Variants in GALNT17 observed in about 807,000 individuals in gnomAD.
GALNT17 encodes polypeptide N-acetylgalactosaminyltransferase 17, also known as UDP-GalNAc:polypeptide N-acetylgalactosaminyltransferase-like 3.
In GALNT17, 29 loss-of-function variants were observed where a neutral mutation model predicts 63.7. The observed-to-expected ratio is 0.46, with a 90% CI of 0.34 to 0.62. The LOEUF (loss-of-function observed/expected upper bound fraction) is 0.62. Ranked by LOEUF, GALNT17 falls within the 20% of genes least tolerant of loss-of-function variation. GALNT17 has a pLI of 0.01. For synonymous variants in GALNT17, 305 were observed against 318.3 expected (o/e 0.96, Z 0.45); for missense variants, 603 against 799.6 (o/e 0.75, Z 2.97).
At chr7:71,407,262 G>T (rs941904867) in intron 3 of GALNT17, among the ~76,000 whole-genome samples, 1 of 152,166 alleles carries the variant, frequency 6.6e-6, no homozygotes, top group East Asian at 1.9e-4. Flanking sequence ...GGAAACCCAT[G>T]GAACAAGCTA....
At chr7:71,396,199 T>C (rs1451279186) in intron 3 of GALNT17, among the ~76,000 whole-genome samples, 3 of 152,168 alleles carry the variant, frequency 2.0e-5, no homozygotes, top group Non-Finnish European at 2.9e-5. Flanking sequence ...TAATCCAAAG[T>C]CACAAAGAAT....
chr7:71,467,427 G>A (rs1237663290), intron 5 of GALNT17, among the ~76,000 whole-genome samples: 3 of 152,092 alleles, frequency 2.0e-5, no homozygotes, highest in Non-Finnish European at 4.4e-5. Context: ...CTGTACTACC[G>A]AAACATGACT....
At chr7:71,426,851 G>A (rs994468438) in intron 5 of GALNT17, among the ~76,000 whole-genome samples, 11 of 151,658 alleles carry the variant, frequency 7.3e-5, no homozygotes, top group Non-Finnish European at 1.0e-4. Flanking sequence ...ACTTGGAGGC[G>A]GAGGTTGCAG....
At chr7:71,277,374 C>A (rs1219716337) in intron 1 of GALNT17, among the ~76,000 whole-genome samples, 2 of 152,136 alleles carry the variant, frequency 1.3e-5, no homozygotes, top group Non-Finnish European at 2.9e-5. Context: ...GGTAGGAAAA[C>A]CACCCGTTGG....
rs985948352 is a variant in GALNT17, at chr7:71,431,113, T to C, written c.962+10008T>C. Among the ~76,000 whole-genome samples, 4 of 152,108 alleles carry C rather than the reference T, an allele frequency of 2.6e-5. No individual in the cohort carries two copies. In the South Asian group the frequency reaches 6.2e-4, roughly 24 times the overall value. ...CTCATAGCCATAACTAACACCACAGTGTTCTATGTGTCAGGTACAGTTCTT... is the reference window on the plus strand; with the variant it reads ...CTCATAGCCATAACTAACACCACAGCGTTCTATGTGTCAGGTACAGTTCTT... On this transcript the variant is annotated intron_variant, in intron 5 of 10. Coordinates refer to ENST00000333538, the MANE Select transcript of GALNT17 (RefSeq NM_022479.3).
intron 9 of GALNT17, among the ~76,000 whole-genome samples, chr7:71,692,738 T>TTTA (rs1791474718): frequency 1.2e-3 from 1 of 828 alleles, no homozygotes; most frequent in South Asian, 0.25. Flanking sequence ...TTTTATTCTA[T>TTTA]TTTTTTTTTT....
chr7:71,578,630 C>T (rs10950267), intron 6 of GALNT17, among the ~76,000 whole-genome samples: 70,154 of 152,002 alleles, frequency 0.46, 19,330 homozygotes, highest in East Asian at 0.73. Context: ...CCGTGAGCCA[C>T]TGTGCCTGGC....
chr7:71,188,169 C>T lies in GALNT17; in HGVS notation c.238+55129C>T, dbSNP rs546384458. On this transcript the variant is annotated intron_variant, in intron 1 of 10. Coordinates refer to ENST00000333538, the MANE Select transcript of GALNT17 (RefSeq NM_022479.3). The stretch of plus-strand genomic sequence containing the variant: ...GGCTGATTCTGTGTTTTTGCAGTTG[C>T]GAAATGTGCTGCCATAAACGTGTGT... Among the ~76,000 whole-genome samples, 21 of 147,486 alleles carry T rather than the reference C, an allele frequency of 1.4e-4. No individual in the cohort carries two copies. In the East Asian group the frequency reaches 2.7e-3, roughly 19 times the overall value.
intron 1 of GALNT17, among the ~76,000 whole-genome samples, chr7:71,210,643 T>C (rs986006177): frequency 6.6e-6 from 1 of 152,230 alleles, no homozygotes; most frequent in Non-Finnish European, 1.5e-5. Context: ...TTTGGATTGT[T>C]CATCACTTTT....
At chr7:71,535,649 C>CT (rs1788791543) in intron 5 of GALNT17, among the ~76,000 whole-genome samples, 1 of 152,218 alleles carries the variant, frequency 6.6e-6, no homozygotes, top group Non-Finnish European at 1.5e-5. Context: ...ATGCTTCCCT[C>CT]TAACATATGG....
At chr7:71,503,489 G>A (rs1174827720) in intron 5 of GALNT17, among the ~76,000 whole-genome samples, 3 of 151,994 alleles carry the variant, frequency 2.0e-5, no homozygotes, top group East Asian at 3.9e-4. Flanking sequence ...TGCCCACCCC[G>A]GCCTCCCAAA....
intron 1 of GALNT17, among the ~76,000 whole-genome samples, chr7:71,268,409 A>G (rs1790529322): frequency 6.7e-6 from 1 of 149,498 alleles, no homozygotes; most frequent in African/African-American, 2.5e-5. Flanking sequence ...AAAATTAGCC[A>G]GGTGTGGTGG....
intron 1 of GALNT17, among the ~76,000 whole-genome samples, chr7:71,219,463 T>C (rs1789545191): frequency 6.6e-6 from 1 of 152,240 alleles, no homozygotes; most frequent in Non-Finnish European, 1.5e-5. Context: ...GTGCTAGATC[T>C]CAGTTGATCA....
intron 1 of GALNT17, among the ~76,000 whole-genome samples, chr7:71,277,994 CT>C (rs1250852669): frequency 1.3e-5 from 2 of 152,128 alleles, no homozygotes; most frequent in Non-Finnish European, 2.9e-5. Context: ...CTTCTTTCTC[CT>C]GCTAACTTTT....
intron 1 of GALNT17, among the ~76,000 whole-genome samples, chr7:71,216,300 C>T (rs1295179150): frequency 6.6e-6 from 1 of 152,112 alleles, no homozygotes; most frequent in Non-Finnish European, 1.5e-5. Flanking sequence ...CTGCTGTACA[C>T]TTTGTAAAGA....
chr7:71,652,237 G>A (rs994723553), intron 6 of GALNT17, among the ~76,000 whole-genome samples: 1 of 151,890 alleles, frequency 6.6e-6, no homozygotes, highest in Non-Finnish European at 1.5e-5. Flanking sequence ...GAGGATCCAC[G>A]TATTTAGAAG....
intron 1 of GALNT17, among the ~76,000 whole-genome samples, chr7:71,217,399 A>C (rs183439687): frequency 6.6e-6 from 1 of 152,020 alleles, no homozygotes; most frequent in Admixed American, 6.5e-5. Flanking sequence ...TTTAGTTTTC[A>C]TGAGCCTTCA....
intron 9 of GALNT17, 64 bp downstream of exon 9, chr7:71,677,370 C>CA: frequency 6.8e-7 from 1 of 1,475,244 alleles, no homozygotes; most frequent in Non-Finnish European, 9.3e-7. Context: ...AGAGGCCTTG[C>CA]AGGCCTTCTG....
chr7:71,289,099 G>A (rs1026893590), intron 1 of GALNT17, among the ~76,000 whole-genome samples: 2 of 150,072 alleles, frequency 1.3e-5, no homozygotes, highest in Non-Finnish European at 2.9e-5. Context: ...AAAATTTTGT[G>A]TGTGACTTTT....
Sources: gnomAD v4.1 joint callset for allele counts (sites outside exome capture counted in the v4.1 genomes callset) on GRCh38, gnomAD v4.1.1 for gene constraint, MANE v1.5 for transcripts, NCBI Gene and HGNC (gene_info 2026-07-23, HGNC 2026-07-21) for gene names.